DAB1: variants seen among roughly 807,000 people sequenced by gnomAD.
The protein encoded by DAB1 is DAB adaptor protein 1, also known as disabled homolog 1.
A neutral mutation model predicts 64.6 loss-of-function variants in DAB1; 15 were observed. That is an observed-to-expected ratio of 0.23 (90% CI 0.16 to 0.36). The LOEUF (loss-of-function observed/expected upper bound fraction) is 0.36, where lower values mean the gene tolerates loss of function less well. Among genes scored for constraint, DAB1 ranks in the 10% least tolerant of loss-of-function variants. The probability of loss-of-function intolerance (pLI) is 1.00; values close to 1 mark genes in which losing one functional copy is unlikely to be tolerated. For missense variants in DAB1, 596 were observed against 706.7 expected (o/e 0.84, Z 1.78); for synonymous variants, 235 against 251.9 (o/e 0.93, Z 0.64).
intron 2 of DAB1, among the ~76,000 whole-genome samples, chr1:58,525,177 C>T (rs1323491012): frequency 6.6e-6 from 1 of 152,114 alleles, no homozygotes; most frequent in Admixed American, 6.5e-5. Context: ...AGACTAATAT[C>T]TACATGTATT....
At chr1:57,897,929 A>G (rs1235640957) in intron 5 of DAB1, among the ~76,000 whole-genome samples, 1 of 152,174 alleles carries the variant, frequency 6.6e-6, no homozygotes, top group African/African-American at 2.4e-5. Context: ...AGCATGTTGA[A>G]CTGAAAGGAG....
intron 7 of DAB1, among the ~76,000 whole-genome samples, chr1:57,575,834 G>A (rs1645243141): frequency 6.6e-6 from 1 of 152,148 alleles, no homozygotes; most frequent in East Asian, 1.9e-4. Context: ...AAACAACAAT[G>A]AACAGAGTCT....
chr1:57,574,911 T>G (rs1338267577), intron 7 of DAB1, among the ~76,000 whole-genome samples: 1 of 152,196 alleles, frequency 6.6e-6, no homozygotes, highest in Non-Finnish European at 1.5e-5. Flanking sequence ...CTGCCTTTCT[T>G]TCTTTCTGAT....
At chr1:57,656,415 G>T (rs966352622) in intron 6 of DAB1, among the ~76,000 whole-genome samples, 2 of 152,144 alleles carry the variant, frequency 1.3e-5, no homozygotes, top group African/African-American at 2.4e-5. Context: ...AGTAATTGTG[G>T]TTTTTGTAAT....
chr1:57,783,954 A>C (rs1650225251), intron 6 of DAB1, among the ~76,000 whole-genome samples: 1 of 152,210 alleles, frequency 6.6e-6, no homozygotes, highest in South Asian at 2.1e-4. Flanking sequence ...TACTGAAATT[A>C]GGCCAATTAA....
chr1:57,565,614 G>T (rs922186483), intron 7 of DAB1, among the ~76,000 whole-genome samples: 1 of 151,966 alleles, frequency 6.6e-6, no homozygotes, highest in Non-Finnish European at 1.5e-5. Flanking sequence ...AAAAAGGCAG[G>T]GATTGCAATC....
chr1:57,044,386 G>A (rs1385118331), intron 9 of DAB1, among the ~76,000 whole-genome samples: 2 of 152,222 alleles, frequency 1.3e-5, no homozygotes, highest in African/African-American at 4.8e-5. Flanking sequence ...CAATGCATAA[G>A]TGACCAGAGA....
At chr1:57,059,798 T>C (rs971833859) in intron 9 of DAB1, among the ~76,000 whole-genome samples, 8 of 152,132 alleles carry the variant, frequency 5.3e-5, no homozygotes, top group African/African-American at 1.2e-4. Flanking sequence ...GAAATTCTCA[T>C]AGGTAGGAAG....
At chr1:57,993,435 T>C (rs778624514) in intron 5 of DAB1, among the ~76,000 whole-genome samples, 5 of 152,238 alleles carry the variant, frequency 3.3e-5, no homozygotes, top group Non-Finnish European at 7.3e-5. Flanking sequence ...AGCTGCTTTA[T>C]TGAACACTGT....
chr1:57,465,191 G>C (rs905897876), intron 7 of DAB1, among the ~76,000 whole-genome samples: 1 of 152,164 alleles, frequency 6.6e-6, no homozygotes, highest in African/African-American at 2.4e-5. Context: ...GAAAAATTCA[G>C]CCCAGCAGTC....
chr1:57,059,515 C>A (rs752645120), intron 9 of DAB1, among the ~76,000 whole-genome samples: 2 of 151,922 alleles, frequency 1.3e-5, no homozygotes, highest in African/African-American at 2.4e-5. Flanking sequence ...GGAAAGGTGG[C>A]GAAGGAGCAA....
chr1:58,408,549 G>C (rs1644638592), intron 3 of DAB1, among the ~76,000 whole-genome samples: 1 of 152,182 alleles, frequency 6.6e-6, no homozygotes, highest in South Asian at 2.1e-4. Flanking sequence ...TGTGTATTAA[G>C]TGATTGAATA....
At chr1:57,607,008 A>T (rs1275815194) in intron 7 of DAB1, among the ~76,000 whole-genome samples, 1 of 151,584 alleles carries the variant, frequency 6.6e-6, no homozygotes, top group Non-Finnish European at 1.5e-5. Flanking sequence ...GCTGGTCTCG[A>T]ACTCCTGACC....
At chr1:58,331,835 G>T (rs1413864779) in intron 4 of DAB1, among the ~76,000 whole-genome samples, 1 of 152,178 alleles carries the variant, frequency 6.6e-6, no homozygotes, top group Non-Finnish European at 1.5e-5. Context: ...TGTGTGACTT[G>T]CTTTGTTGCA....
chr1:57,704,877 TTTTCCTTC>T (rs1027295165), intron 6 of DAB1, among the ~76,000 whole-genome samples: 2 of 146,690 alleles, frequency 1.4e-5, no homozygotes, highest in African/African-American at 5.0e-5. Context: ...GGGAAATTTC[TTTTCCTTC>T]CTTCCTTCCT....
intron 7 of DAB1, among the ~76,000 whole-genome samples, chr1:57,554,649 A>G (rs1243229304): frequency 6.6e-6 from 1 of 152,244 alleles, no homozygotes; most frequent in African/African-American, 2.4e-5. Flanking sequence ...CTGTTTTCTT[A>G]AATAAGAACA....
chr1:57,193,329 T>C (rs1043251073), intron 2 of DAB1, among the ~76,000 whole-genome samples: 2 of 150,884 alleles, frequency 1.3e-5, no homozygotes, highest in African/African-American at 4.9e-5. Context: ...GGTCTTTTTC[T>C]GCCTGGCTTA....
rs529777727 is a variant in DAB1 at position 58,134,277 on chromosome 1, G to GA, written n.387+16233dup. On this transcript the variant is annotated intron_variant and non_coding_transcript_variant, in intron 5 of 20. Coordinates refer to the DAB1 transcript ENST00000485760. Reference sequence around the variant, plus strand: ...CCTTCTTGCTGCATCCTAACATGGAGAAAAAAAAGCCTTGTATCCGCACAT... The same window carrying GA: ...CCTTCTTGCTGCATCCTAACATGGAGAAAAAAAAAGCCTTGTATCCGCACAT... Among the ~76,000 whole-genome samples, 30 of 151,934 alleles carry GA rather than the reference G, an allele frequency of 2.0e-4. No homozygotes were observed. The South Asian group carries it at 5.4e-3, about 27-fold the overall frequency.
intron 4 of DAB1, among the ~76,000 whole-genome samples, chr1:58,157,939 C>T (rs1655306082): frequency 6.6e-6 from 1 of 152,282 alleles, no homozygotes; most frequent in South Asian, 2.1e-4. Context: ...GTACATGGGA[C>T]TTAATGCACT....
Sources: gnomAD v4.1 joint callset for allele counts (sites outside exome capture counted in the v4.1 genomes callset) on GRCh38, gnomAD v4.1.1 for gene constraint, MANE v1.5 for transcripts, NCBI Gene and HGNC (gene_info 2026-07-23, HGNC 2026-07-21) for gene names.